Variants in FSTL4 observed in about 807,000 individuals in gnomAD.
FSTL4 encodes follistatin-related protein 4.
FSTL4 carries 28 observed loss-of-function variants against 78.2 expected under a neutral mutation model. That is an observed-to-expected ratio of 0.36 (90% CI 0.27 to 0.49). The LOEUF is 0.49. Ranked by LOEUF, FSTL4 falls within the 20% of genes least tolerant of loss-of-function variation. The pLI is 0.98. For missense variants in FSTL4, 922 were observed against 1,084.9 expected, an observed-to-expected ratio of 0.85 and a Z score of 2.11; for synonymous variants, 422 against 440.5, an observed-to-expected ratio of 0.96 and a Z score of 0.53.
chr5:133,747,108 G>A, the FSTL4 span, among the ~76,000 whole-genome samples: 21 of 152,222 alleles, frequency 1.4e-4, no homozygotes, highest in Middle Eastern at 6.8e-3. Context: ...ATGCCACCCC[G>A]CCTGTTGTTT....
chr5:133,786,401 T>C, the FSTL4 span, among the ~76,000 whole-genome samples: 2 of 152,190 alleles, frequency 1.3e-5, no homozygotes, highest in South Asian at 2.1e-4. Context: ...CTTTTCATGA[T>C]CTAATTTATC....
At chr5:133,552,971 T>C (rs1253484423) in intron 3 of FSTL4, among the ~76,000 whole-genome samples, 1 of 152,228 alleles carries the variant, frequency 6.6e-6, no homozygotes, top group Admixed American at 6.5e-5. Context: ...CACAGAATTC[T>C]CAACTGTAGG....
intron 4 of FSTL4, among the ~76,000 whole-genome samples, chr5:133,321,906 C>T (rs541067712): frequency 1.2e-4 from 19 of 152,332 alleles, no homozygotes; most frequent in Middle Eastern, 6.8e-3. Context: ...GGCAGGACCG[C>T]CGTGATTTGG....
At chr5:133,582,538 C>T (rs1760439058) in intron 2 of FSTL4, among the ~76,000 whole-genome samples, 1 of 152,164 alleles carries the variant, frequency 6.6e-6, no homozygotes, top group Non-Finnish European at 1.5e-5. Context: ...GTTTCTGAGA[C>T]TCTGGAGTGG....
chr5:133,660,020 C>T, the FSTL4 span, among the ~76,000 whole-genome samples: 89,715 of 152,106 alleles, frequency 0.59, 27,684 homozygotes, highest in African/African-American at 0.78. Context: ...GCTTAGAGAA[C>T]GAAGCCAGGA....
chr5:133,705,148 C>T, the FSTL4 span, among the ~76,000 whole-genome samples: 4 of 152,142 alleles, frequency 2.6e-5, no homozygotes, highest in Non-Finnish European at 5.9e-5. Flanking sequence ...ACAACCTCTG[C>T]CTCCCAGGTT....
At chr5:133,472,070 C>T (rs1438501450) in intron 3 of FSTL4, among the ~76,000 whole-genome samples, 2 of 152,142 alleles carry the variant, frequency 1.3e-5, no homozygotes, top group Non-Finnish European at 2.9e-5. Flanking sequence ...TCAGAATTAC[C>T]GTGTGGAGCA....
chr5:133,358,213 G>C (rs950615774), intron 4 of FSTL4, among the ~76,000 whole-genome samples: 99 of 152,202 alleles, frequency 6.5e-4, no homozygotes, highest in Non-Finnish European at 1.8e-4. Context: ...AACTCCCCTG[G>C]GTCTAGAGCC....
At chr5:133,366,366 G>A (rs1425403791) in intron 4 of FSTL4, among the ~76,000 whole-genome samples, 1 of 152,062 alleles carries the variant, frequency 6.6e-6, no homozygotes, top group Non-Finnish European at 1.5e-5. Context: ...TGTCATCCTT[G>A]TCTGTTCATG....
the FSTL4 span, among the ~76,000 whole-genome samples, chr5:133,817,823 C>G: frequency 6.6e-6 from 1 of 152,174 alleles, no homozygotes; most frequent in Non-Finnish European, 1.5e-5. Flanking sequence ...AACAGCATGA[C>G]CTGGCACAGT....
chr5:133,404,471 C>G (rs894570507), intron 3 of FSTL4, among the ~76,000 whole-genome samples: 1 of 152,212 alleles, frequency 6.6e-6, no homozygotes, highest in African/African-American at 2.4e-5. Context: ...AACTGATCAT[C>G]TTGCCAAATA....
At chr5:133,355,751 T>G (rs1754926729) in intron 4 of FSTL4, among the ~76,000 whole-genome samples, 1 of 152,198 alleles carries the variant, frequency 6.6e-6, no homozygotes, top group South Asian at 2.1e-4. Flanking sequence ...ATCTTCTAGT[T>G]ATTTAGGTTT....
At chr5:133,778,797 A>C in the FSTL4 span, among the ~76,000 whole-genome samples, 1 of 152,254 alleles carries the variant, frequency 6.6e-6, no homozygotes, top group African/African-American at 2.4e-5. Context: ...ACCAGGCCTC[A>C]AAAGGGGCAG....
intron 3 of FSTL4, among the ~76,000 whole-genome samples, chr5:133,442,818 C>T (rs1757186414): frequency 6.6e-6 from 1 of 152,212 alleles, no homozygotes; most frequent in African/African-American, 2.4e-5. Context: ...ATACAACTGA[C>T]CCAACACCAT....
At chr5:133,305,638 C>T (rs1382030272) in intron 6 of FSTL4, among the ~76,000 whole-genome samples, 1 of 152,166 alleles carries the variant, frequency 6.6e-6, no homozygotes, top group Non-Finnish European at 1.5e-5. Context: ...GTGGCAAGCT[C>T]CCCATGGGCA....
At chr5:133,685,018 C>A in the FSTL4 span, among the ~76,000 whole-genome samples, 6 of 152,342 alleles carry the variant, frequency 3.9e-5, no homozygotes, top group African/African-American at 1.4e-4. Context: ...CCTATAAATT[C>A]TTCTCTAGCA....
At chr5:133,328,462 T>C (rs1375495926) in intron 4 of FSTL4, among the ~76,000 whole-genome samples, 1 of 152,174 alleles carries the variant, frequency 6.6e-6, no homozygotes, top group Non-Finnish European at 1.5e-5. Context: ...CATATACTTT[T>C]TATGGTTGAC....
At chr5:133,405,639 A>G (rs1046503865) in intron 3 of FSTL4, among the ~76,000 whole-genome samples, 4 of 152,352 alleles carry the variant, frequency 2.6e-5, no homozygotes, top group Non-Finnish European at 4.4e-5. Context: ...GGGATTGGAC[A>G]TAACGGTCCC....
At chr5:133,467,819 T>C (rs1002194258) in intron 3 of FSTL4, among the ~76,000 whole-genome samples, 2 of 152,232 alleles carry the variant, frequency 1.3e-5, no homozygotes, top group African/African-American at 4.8e-5. Flanking sequence ...GCTCAGACAC[T>C]GCTGGCTGTG....
Sources: gnomAD v4.1 joint callset for allele counts (sites outside exome capture counted in the v4.1 genomes callset) on GRCh38, gnomAD v4.1.1 for gene constraint, MANE v1.5 for transcripts, NCBI Gene and HGNC (gene_info 2026-07-23, HGNC 2026-07-21) for gene names.